The following DSG2 variants were observed in gnomAD, a reference collection of about 807,000 sequenced individuals.
DSG2 encodes desmoglein 2, also known as desmoglein-2.
In DSG2, 45 loss-of-function variants were observed where a neutral mutation model predicts 75.6. That is an observed-to-expected ratio of 0.60 (90% CI 0.47 to 0.76). The LOEUF (loss-of-function observed/expected upper bound fraction) is 0.76. Ranked by LOEUF, DSG2 falls within the 30% of genes least tolerant of loss-of-function variation. DSG2 has a pLI of 0.00. For synonymous variants in DSG2, 429 were observed against 483.9 expected, an observed-to-expected ratio of 0.89 and a Z score of 1.49; for missense variants, 1,267 against 1,357.4, an observed-to-expected ratio of 0.93 and a Z score of 1.05.
chr18:31,518,476 T>C (rs2073107065), intron 2 of DSG2, among the ~76,000 whole-genome samples: 1 of 152,204 alleles, frequency 6.6e-6, no homozygotes, highest in African/African-American at 2.4e-5. Context: ...AATAGGTGAA[T>C]GTTAAAACCA....
intron 1 of DSG2, among the ~76,000 whole-genome samples, chr18:31,515,421 TA>T (rs1244958562): frequency 4.6e-5 from 7 of 152,180 alleles, no homozygotes; most frequent in African/African-American, 1.7e-4. Flanking sequence ...TACTAAATTT[TA>T]AGGCTGTTCC....
intron 1 of DSG2, among the ~76,000 whole-genome samples, chr18:31,514,153 G>A (rs1447782717): frequency 1.3e-5 from 2 of 152,158 alleles, no homozygotes; most frequent in Admixed American, 1.3e-4. Flanking sequence ...AGTTAACAGT[G>A]CATTAACTAA....
rs907103790 is a variant in DSG2, at chr18:31,545,315, C to T, written c.2335-406C>T. On this transcript the variant is annotated intron_variant, in intron 14 of 14. Transcript: ENST00000261590. ...TCTCTGTCTCTCTCTCACTGACACA[C>T]ATTCACACACATTCTCTTACATTAC... Among the ~76,000 whole-genome samples the T allele has an allele frequency of 3.9e-5, 6 of 152,344 alleles. No individual in the cohort carries two copies. The South Asian group carries it at 1.0e-3, about 26-fold the overall frequency.
chr18:31,513,482 A>G (rs532244884), intron 1 of DSG2, among the ~76,000 whole-genome samples: 1 of 152,352 alleles, frequency 6.6e-6, no homozygotes, highest in South Asian at 2.1e-4. Context: ...AAATGGGCAT[A>G]CATACCATGC....
rs758768074 is a variant in DSG2 at position 31,546,665 on chromosome 18, T to C, written c.3279T>C (p.Ser1093=). Residue 1093 remains serine, a synonymous_variant, in exon 15 of 15, where the codon TCT becomes TCC. Transcript: ENST00000261590. Reference sequence around the variant, plus strand: ...TGCCAGATTTTGGTTTAGAGGAATCTGGTCATTCTAATTCTACCATAACCA... The same window carrying C: ...TGCCAGATTTTGGTTTAGAGGAATCCGGTCATTCTAATTCTACCATAACCA... ...GPLPDFGLEE[S]GHSNSTITTS... 18 of 1,614,140 alleles carry C rather than the reference T, an allele frequency of 1.1e-5. No individual in the cohort carries two copies.
intron 1 of DSG2, among the ~76,000 whole-genome samples, chr18:31,509,513 T>C (rs954216943): frequency 3.9e-5 from 6 of 152,162 alleles, no homozygotes; most frequent in African/African-American, 1.4e-4. Flanking sequence ...TAGGAGTATA[T>C]AAATGTCTAG....
At chr18:31,533,942 G>A (rs1379228649) in intron 9 of DSG2, among the ~76,000 whole-genome samples, 1 of 148,822 alleles carries the variant, frequency 6.7e-6, no homozygotes, top group East Asian at 2.0e-4. Context: ...GTATTTTTAT[G>A]TTAAACTCAT....
At chr18:31,509,351 T>C (rs2144296791) in intron 1 of DSG2, among the ~76,000 whole-genome samples, 1 of 152,316 alleles carries the variant, frequency 6.6e-6, no homozygotes, top group African/African-American at 2.4e-5. Context: ...TCATGTACTT[T>C]ATTACTGTCA....
rs755752128 is a variant in DSG2 at position 31,535,377 on chromosome 18, G to T, written c.1388G>T (p.Gly463Val). The change falls in exon 10 of 15, where the codon GGC (glycine) becomes GTC (valine). Residue 463 changes from glycine (G) to valine (V), a missense_variant. By Grantham distance (109) the Gly-to-Val change is moderately radical. Coordinates refer to ENST00000261590, the MANE Select transcript of DSG2 (RefSeq NM_001943.5). ...TTTGAATCTAGATATGTTCAAAATG[G>T]CACATACACTGTAAAGATTGTGGCC... is the stretch of plus-strand genomic sequence containing the variant. The part of the protein sequence containing the change: ...PDFESRYVQN[G>V]TYTVKIVAIS... The T allele has an allele frequency of 6.2e-7, 1 of 1,611,782 alleles. No homozygotes were observed. Among genetic ancestry groups the T allele is most frequent in the Admixed American group, 1.7e-5 (1 of 59,972 alleles).
chr18:31,516,930 G>A (rs893674773), intron 1 of DSG2, among the ~76,000 whole-genome samples: 1 of 152,164 alleles, frequency 6.6e-6, no homozygotes, highest in African/African-American at 2.4e-5. Context: ...CTGTCCAAAT[G>A]GGTAGCCCTT....
At chr18:31,515,649 C>G (rs985306667) in intron 1 of DSG2, among the ~76,000 whole-genome samples, 4 of 152,142 alleles carry the variant, frequency 2.6e-5, no homozygotes, top group Non-Finnish European at 4.4e-5. Flanking sequence ...TAATAGTAGA[C>G]AGAATGAAGA....
At chr18:31,498,481 AAATCCTCTTGGCTG>A (rs1439874900) in intron 1 of DSG2, among the ~76,000 whole-genome samples, 185 bp downstream of exon 1, 1 of 152,160 alleles carries the variant, frequency 6.6e-6, no homozygotes, top group Non-Finnish European at 1.5e-5. Flanking sequence ...GGGCTTCGGA[AAATCCTCTTGGCTG>A]GAGCCAGGAG....
At chr18:31,504,719 G>A (rs138212720) in intron 1 of DSG2, among the ~76,000 whole-genome samples, 12 of 152,240 alleles carry the variant, frequency 7.9e-5, no homozygotes, top group African/African-American at 2.6e-4. Context: ...TCATTGAGCC[G>A]CACTGCCCTG....
intron 6 of DSG2, among the ~76,000 whole-genome samples, chr18:31,523,775 TAA>T (rs1234519390): frequency 6.6e-6 from 1 of 152,200 alleles, no homozygotes; most frequent in Non-Finnish European, 1.5e-5. Flanking sequence ...TCAAAGCGAA[TAA>T]GTGCATGTCC....
At chr18:31,526,914 T>C (rs1014955466) in intron 8 of DSG2, among the ~76,000 whole-genome samples, 2 of 152,188 alleles carry the variant, frequency 1.3e-5, no homozygotes, top group Non-Finnish European at 2.9e-5. Context: ...ATAGAGAAGT[T>C]ATGGTAAGCT....
At chr18:31,505,067 A>G (rs981070293) in intron 1 of DSG2, among the ~76,000 whole-genome samples, 7 of 152,178 alleles carry the variant, frequency 4.6e-5, no homozygotes, top group African/African-American at 1.7e-4. Context: ...CACTAGCGAC[A>G]TAGTCTCCCT....
rs2073332724 is a variant in DSG2, at chr18:31,548,755, A to G, written c.*2012A>G. On this transcript the variant is annotated 3_prime_UTR_variant, in exon 15 of 15. Coordinates refer to ENST00000261590, the MANE Select transcript of DSG2 (RefSeq NM_001943.5). ...CTAAATGATTTTCTTTGTTCCTGAA[A>G]AAGTGATTTGTATTAGTTTTACATT... 6.6e-6 allele frequency: 1 copy of G among 152,218 alleles called. No homozygotes were observed. 9.4% of individuals were successfully genotyped at this position (152,218 alleles called of 1,614,324 possible). A position where few individuals can be genotyped will look rare whatever the true frequency, so the allele number is the denominator to read the frequency against.
At chr18:31,503,753 G>T (rs907886098) in intron 1 of DSG2, among the ~76,000 whole-genome samples, 45 of 152,152 alleles carry the variant, frequency 3.0e-4, no homozygotes, top group Admixed American at 2.3e-3. Flanking sequence ...AGACCATGGG[G>T]TACCTGGGAG....
rs760786694 is a variant in DSG2, at chr18:31,546,028, C to T, written c.2642C>T (p.Thr881Ile). 42 of 1,614,050 alleles carry T rather than the reference C, an allele frequency of 2.6e-5. No homozygotes were observed. Among genetic ancestry groups the T allele is most frequent in the Non-Finnish European group, 3.3e-5 (39 of 1,180,038 alleles). ...CEQTMVNSEN[T>I]YSSGSSFPVP... ...CAAACTATGGTTAATTCAGAGAATA[C>T]CTACTCCTCTGGCAGTAGCTTCCCA... The change falls in exon 15 of 15, where the codon ACC (threonine) becomes ATC (isoleucine). Residue 881 changes from threonine to isoleucine, a missense_variant. Transcript: ENST00000261590.
Sources: allele counts gnomAD v4.1 joint callset (sites outside exome capture counted in the v4.1 genomes callset), GRCh38; gene constraint gnomAD v4.1.1; transcripts MANE v1.5; gene names NCBI Gene and HGNC (gene_info 2026-07-23, HGNC 2026-07-21).